DPM1: variants seen among roughly 807,000 people sequenced by gnomAD.
The protein encoded by DPM1 is dolichyl-phosphate mannosyltransferase subunit 1, catalytic, also known as dolichol-phosphate mannosyltransferase subunit 1.
DPM1 carries 27 observed loss-of-function variants against 39.0 expected under a neutral mutation model. The ratio of observed to expected loss-of-function variants is 0.69; its 90% CI spans 0.51 to 0.95. The LOEUF is 0.95. Among genes scored for constraint, DPM1 ranks in the 40% least tolerant of loss-of-function variants. DPM1 has a pLI of 0.00. For missense variants in DPM1, 307 were observed against 315.6 expected (o/e 0.97, Z 0.21); for synonymous variants, 124 against 109.0 (o/e 1.14, Z -0.86).
chr20:50,942,508 A>C (rs1568764318), intron 5 of DPM1, among the ~76,000 whole-genome samples: 1 of 151,732 alleles, frequency 6.6e-6, no homozygotes, highest in Non-Finnish European at 1.5e-5. Flanking sequence ...CATCTCAAAA[A>C]AAAAAAAAAA....
At chr20:50,946,325 C>T (rs1380867515) in intron 3 of DPM1, among the ~76,000 whole-genome samples, 1 of 152,212 alleles carries the variant, frequency 6.6e-6, no homozygotes, top group African/African-American at 2.4e-5. Context: ...TACTTAATAT[C>T]TCCACTTGGG....
In DPM1 at chr20:50,935,240, G is replaced by C; in HGVS notation, c.679-4C>G. On this transcript the variant is annotated splice_polypyrimidine_tract_variant and splice_region_variant and intron_variant, in intron 8 of 8. Transcript: ENST00000371588. ...GATCCACAAATGATATTGGAACCTA[G>C]TTTAAAAAAAAAAAAGTAACGTTAG... 1 of 1,478,676 alleles carries C rather than the reference G, an allele frequency of 6.8e-7. No homozygotes were observed. Among genetic ancestry groups the C allele is most frequent in the Non-Finnish European group, 9.1e-7 (1 of 1,102,092 alleles). The allele number at this position is 1,478,676 out of a possible 1,614,324, so 91.6% of individuals were successfully genotyped here.
chr20:50,958,307 CGGGCCGGGG>C, intron 1 of DPM1, 47 bp downstream of exon 1: 2 of 1,600,470 alleles, frequency 1.2e-6, no homozygotes, highest in Non-Finnish European at 1.7e-6. Context: ...TGCCGACACC[CGGGCCGGGG>C]AAGCCAGCTC....
intron 3 of DPM1, among the ~76,000 whole-genome samples, chr20:50,946,876 T>C (rs1986317917): frequency 1.3e-5 from 2 of 151,980 alleles, no homozygotes; most frequent in Non-Finnish European, 2.9e-5. Context: ...AGTTTGAGAC[T>C]AGCCTAACCA....
chr20:50,954,409 G>A (rs1012207588), intron 2 of DPM1, among the ~76,000 whole-genome samples: 3 of 151,926 alleles, frequency 2.0e-5, no homozygotes, highest in East Asian at 1.9e-4. Flanking sequence ...CAATAAACAC[G>A]ACAACCCCCA....
intron 2 of DPM1, among the ~76,000 whole-genome samples, chr20:50,949,869 G>T (rs530618571): frequency 1.3e-5 from 2 of 151,484 alleles, no homozygotes; most frequent in African/African-American, 4.9e-5. Flanking sequence ...TACAAGTCAA[G>T]TCTTTTGTGG....
At chr20:50,938,388 ATTT>A (rs1317989390) in intron 7 of DPM1, among the ~76,000 whole-genome samples, 1 of 143,608 alleles carries the variant, frequency 7.0e-6, no homozygotes, top group Non-Finnish European at 1.5e-5. Flanking sequence ...ATTAAAAAAA[ATTT>A]TTTTTTTTTT....
Position 50,941,360 on chromosome 20 carries a change from CATATATATTCATATT to C in DPM1, c.495-442_495-428del, listed in dbSNP as rs1164723123. Among the ~76,000 whole-genome samples the C allele has an allele frequency of 7.8e-5, 9 of 116,028 alleles. 1 individual carries two copies. The South Asian group carries it at 1.2e-3, about 16-fold the overall frequency. 76.1% of individuals were successfully genotyped at this position (116,028 alleles called of 152,430 possible). ...TATTCGTATTATATATATTCATATA[CATATATATTCATATT>C]ATATATATTCATATATATATTCATA... On this transcript the variant is annotated intron_variant, in intron 6 of 8. Transcript: ENST00000371588.
At chr20:50,958,274 C>G in intron 1 of DPM1, 89 bp downstream of exon 1, 2 of 1,546,162 alleles carry the variant, frequency 1.3e-6, no homozygotes, top group Non-Finnish European at 1.7e-6. Context: ...GAAGGCTGGA[C>G]AGGGCCGCTT....
At chr20:50,951,797 A>T (rs1485683331) in intron 2 of DPM1, among the ~76,000 whole-genome samples, 1 of 142,568 alleles carries the variant, frequency 7.0e-6, no homozygotes, top group Non-Finnish European at 1.5e-5. Context: ...TCAAAAAAAA[A>T]ATAAATAAAT....
At chr20:50,939,490 C>T (rs570487286) in intron 7 of DPM1, among the ~76,000 whole-genome samples, 2 of 151,244 alleles carry the variant, frequency 1.3e-5, no homozygotes, top group South Asian at 2.1e-4. Flanking sequence ...CACCACCACA[C>T]TTGGCTAATT....
At chr20:50,942,514 A>G (rs1397536064) in intron 5 of DPM1, among the ~76,000 whole-genome samples, 2 of 151,738 alleles carry the variant, frequency 1.3e-5, no homozygotes, top group Non-Finnish European at 2.9e-5. Flanking sequence ...AAAAAAAAAA[A>G]AAAAATTAGT....
chr20:50,951,986 A>G (rs559049471), intron 2 of DPM1, among the ~76,000 whole-genome samples: 16 of 152,070 alleles, frequency 1.1e-4, no homozygotes, highest in African/African-American at 2.9e-4. Flanking sequence ...TTGCCTCTTC[A>G]TATCAATCTG....
chr20:50,955,856 C>T (rs1178912776), intron 1 of DPM1, among the ~76,000 whole-genome samples: 2 of 152,218 alleles, frequency 1.3e-5, no homozygotes, highest in Non-Finnish European at 2.9e-5. Context: ...AGCCTCCGTG[C>T]CCAGCCATAT....
chr20:50,941,084 T>A (rs1471221173), intron 6 of DPM1, 151 bp from the exon 7 acceptor site: 16 of 914,764 alleles, frequency 1.7e-5, no homozygotes, highest in Non-Finnish European at 2.5e-5. Flanking sequence ...AAATAGAAAT[T>A]TTTAGTCAAT....
intron 5 of DPM1, among the ~76,000 whole-genome samples, chr20:50,942,955 A>G (rs1391013614): frequency 6.6e-6 from 1 of 152,212 alleles, no homozygotes; most frequent in African/African-American, 2.4e-5. Flanking sequence ...AGGCAGGTGG[A>G]TCACTTGAGG....
In DPM1 at chr20:50,943,014, A is replaced by G. The variant is rs144178374; in HGVS notation, c.399-888T>C. Among the ~76,000 whole-genome samples, 403 of 152,250 alleles carry G rather than the reference A, an allele frequency of 2.6e-3. 2 individuals are homozygous for G. The highest frequency in any genetic ancestry group is 8.7e-3 in the African/African-American group (360 of 41,552). ...CCAACACAGTGAAACTGTCTCTACT[A>G]AAAATACAAAAATTAGCCAGGTGTA... On this transcript the variant is annotated intron_variant, in intron 5 of 8. Transcript: ENST00000371588.
At chr20:50,941,385 C>CATATATATATTCATATTAT (rs1169043117) in intron 6 of DPM1, among the ~76,000 whole-genome samples, 5 of 142,220 alleles carry the variant, frequency 3.5e-5, no homozygotes, top group African/African-American at 5.2e-5. Context: ...TATATATATT[C>CATATATATATTCATATTAT]ATATATATAT....
At chr20:50,951,691 G>C (rs1020549618) in intron 2 of DPM1, among the ~76,000 whole-genome samples, 2 of 151,970 alleles carry the variant, frequency 1.3e-5, no homozygotes, top group Non-Finnish European at 2.9e-5. Flanking sequence ...GGGAGGCTGG[G>C]GCAGGAGAAC....
Sources: gnomAD v4.1 joint callset for allele counts (sites outside exome capture counted in the v4.1 genomes callset) on GRCh38, gnomAD v4.1.1 for gene constraint, MANE v1.5 for transcripts, NCBI Gene and HGNC (gene_info 2026-07-23, HGNC 2026-07-21) for gene names.